Variants in SPX observed in about 807,000 individuals in gnomAD.
SPX encodes the protein spexin hormone, also known as spexin.
A neutral mutation model predicts 19.2 loss-of-function variants in SPX; 22 were observed. The ratio of observed to expected loss-of-function variants is 1.15; its 90% CI spans 0.82 to 1.64. SPX has a LOEUF of 1.64. Ranked by LOEUF, SPX falls within the 40% of genes most tolerant of loss-of-function variation. SPX has a pLI of 0.00. For synonymous variants in SPX, 50 were observed against 53.3 expected (o/e 0.94, Z 0.27); for missense variants, 143 against 137.7 (o/e 1.04, Z -0.19).
chr12:21,530,988 A>C (rs1203771398), intron 5 of SPX, 149 bp from the exon 6 acceptor site: 3 of 586,496 alleles, frequency 5.1e-6, no homozygotes. Context: ...ATCAAAGCCC[A>C]TATTGTTTAA....
chr12:21,530,961 G>T (rs1422351627), intron 5 of SPX, among the ~76,000 whole-genome samples, 176 bp from the exon 6 acceptor site: 1 of 152,126 alleles, frequency 6.6e-6, no homozygotes, highest in African/African-American at 2.4e-5. Flanking sequence ...GAGAAAAAAA[G>T]ATTTTAAACT....
At chr12:21,527,598 C>T (rs187015462) in intron 3 of SPX, 129 bp from the exon 4 acceptor site, 2 of 904,086 alleles carry the variant, frequency 2.2e-6, no homozygotes, top group South Asian at 1.7e-5. Flanking sequence ...CAGCCCCGCG[C>T]GACCCTATCC....
intron 4 of SPX, among the ~76,000 whole-genome samples, chr12:21,528,732 G>A (rs908022214): frequency 1.3e-5 from 2 of 152,092 alleles, no homozygotes; most frequent in African/African-American, 2.4e-5. Flanking sequence ...TGGCCGCAAA[G>A]GTTAAATTAT....
chr12:21,529,123 C>T, intron 5 of SPX, 39 bp downstream of exon 5: 7 of 1,574,218 alleles, frequency 4.4e-6, no homozygotes, highest in Non-Finnish European at 6.1e-6. Context: ...CATAACAGAA[C>T]AGCTTTGCTT....
chr12:21,529,812 G>A (rs919702577), intron 5 of SPX, among the ~76,000 whole-genome samples: 2 of 152,224 alleles, frequency 1.3e-5, no homozygotes, highest in African/African-American at 4.8e-5. Context: ...GTTGAATAAC[G>A]GGTAGAGGAT....
chr12:21,527,652 C>A, intron 3 of SPX, 75 bp from the exon 4 acceptor site: 1 of 1,430,314 alleles, frequency 7.0e-7, no homozygotes, highest in Non-Finnish European at 9.6e-7. Flanking sequence ...CTGCGCTGTG[C>A]CGGGAGGAGC....
Position 21,529,079 on chromosome 12 carries a change from C to T in SPX, c.287C>T (p.Pro96Leu). Reference sequence around the variant, plus strand: ...TTACTGGCGTCCCTTCAGAAATCACCAGAAGGTACTAGCATAGTGGCCTCT... The same window carrying T: ...TTACTGGCGTCCCTTCAGAAATCACTAGAAGGTACTAGCATAGTGGCCTCT... ...TILLASLQKS[P>L]EDEEKNFDQT... is the part of the protein sequence containing the mutation. Residue 96 changes from proline (P) to leucine (L), a missense_variant, in exon 5 of 6, where the codon CCA becomes CTA. Physicochemically the swap from Pro to Leu is moderately conservative, Grantham distance 98. Transcript: ENST00000256969. 6.2e-7 allele frequency: 1 copy of T among 1,613,274 alleles called. No individual in the cohort carries two copies. The highest frequency in any genetic ancestry group is 8.5e-7 in the Non-Finnish European group (1 of 1,179,232).
rs1460049712 is a variant in SPX at position 21,532,604 on chromosome 12, T to A, written c.*1409T>A. On this transcript the variant is annotated 3_prime_UTR_variant, in exon 6 of 6. Coordinates refer to ENST00000256969, the MANE Select transcript of SPX (RefSeq NM_030572.4). Reference sequence around the variant, plus strand: ...GTGCTTACATCTGATTTATTGAAAATTTTTTCCAAAAGCATTGTCTTTTAT... The same window carrying A: ...GTGCTTACATCTGATTTATTGAAAAATTTTTCCAAAAGCATTGTCTTTTAT... 1.3e-5 allele frequency: 2 copies of A among 152,182 alleles called. No homozygotes were observed. The highest frequency in any genetic ancestry group is 2.9e-5 in the Non-Finnish European group (2 of 68,026). 9.4% of individuals were successfully genotyped at this position (152,182 alleles called of 1,614,324 possible). A position where few individuals can be genotyped will look rare whatever the true frequency, so the allele number is the denominator to read the frequency against.
rs910547891 is a variant in SPX, at chr12:21,527,860, C to T, written c.208+71C>T. The T allele has an allele frequency of 1.8e-5, 27 of 1,484,562 alleles. 1 individual carries two copies. The South Asian group carries it at 2.8e-4, about 15-fold the overall frequency. The allele number at this position is 1,484,562 out of a possible 1,614,324, so 92.0% of individuals were successfully genotyped here. A position where few individuals can be genotyped will look rare whatever the true frequency, so the allele number is the denominator to read the frequency against. The stretch of plus-strand genomic sequence containing the variant: ...TAGGATGGGGCGGGCAGGGCTTGCT[C>T]CGCGCTGGTGCCGAAAGAAAGCGTC... On this transcript the variant is annotated intron_variant, in intron 4 of 5. Coordinates refer to ENST00000256969, the MANE Select transcript of SPX (RefSeq NM_030572.4).
At chr12:21,527,076 T>G in intron 2 of SPX, 59 bp from the exon 3 acceptor site, 1 of 1,589,884 alleles carries the variant, frequency 6.3e-7, no homozygotes, top group Non-Finnish European at 8.6e-7. Flanking sequence ...TATTTTGCTG[T>G]AATAGAGGAC....
At position 21,526,939 on chromosome 12, in the gene SPX, C is replaced by T. The variant is rs767441400; in HGVS notation, c.60C>T (p.Phe20=). 10 of 1,614,154 alleles carry T rather than the reference C, an allele frequency of 6.2e-6. No homozygotes were observed. Among genetic ancestry groups the T allele is most frequent in the Non-Finnish European group, 8.5e-6 (10 of 1,180,010 alleles). The stretch of plus-strand genomic sequence containing the variant: ...TGGCTCTTTTCCTGGTGTTTGTTTT[C>T]CTGGGAAACTCCAGCTGCGCTCCGC... ...TTLALFLVFV[F]LGNSSCAPQR... Residue 20 remains phenylalanine, a synonymous_variant, in exon 2 of 6, where the codon TTC becomes TTT. Coordinates refer to ENST00000256969, the MANE Select transcript of SPX (RefSeq NM_030572.4).
chr12:21,531,061 A>C, intron 5 of SPX, 76 bp from the exon 6 acceptor site: 1 of 898,570 alleles, frequency 1.1e-6, no homozygotes, highest in Non-Finnish European at 1.7e-6. Flanking sequence ...ATTTCCTGAG[A>C]TTCTCTTTGT....
chr12:21,527,125 C>T lies in SPX; in HGVS notation c.88-10C>T, dbSNP rs367830958. On this transcript the variant is annotated splice_polypyrimidine_tract_variant and intron_variant, in intron 2 of 5. Transcript: ENST00000256969. ...TTTATTAACTGCTCTTCCCTTCCCC[C>T]GGGCTATAGAGACTGTTGGAGAGAA... 12 of 1,613,468 alleles carry T rather than the reference C, an allele frequency of 7.4e-6. No homozygotes were observed. The highest frequency in any genetic ancestry group is 1.3e-5 in the African/African-American group (1 of 74,910).
chr12:21,527,706 C>A (rs751671889), intron 3 of SPX, 21 bp from the exon 4 acceptor site: 15 of 1,557,890 alleles, frequency 9.6e-6, no homozygotes, highest in Admixed American at 2.0e-5. Context: ...TGTCGCTGAG[C>A]CCCAGGTCTC....
rs569893572 is a variant in SPX at position 21,528,009 on chromosome 12, CG to C, written c.208+221del. The C allele has an allele frequency of 6.0e-4, 328 of 543,440 alleles. 8 individuals are homozygous for C. In the South Asian group the frequency reaches 7.0e-3, roughly 12 times the overall value. The allele number at this position is 543,440 out of a possible 1,614,324, so 33.7% of individuals were successfully genotyped here. A position where few individuals can be genotyped will look rare whatever the true frequency, so the allele number is the denominator to read the frequency against. Reference sequence around the variant, plus strand: ...AGCTGGGAGCTCGCGCGTCCAGCCCCGCGCCAATGGTGGCAAGGGCGGCCCA... The same window carrying C: ...AGCTGGGAGCTCGCGCGTCCAGCCCCCGCCAATGGTGGCAAGGGCGGCCCA... On this transcript the variant is annotated intron_variant, in intron 4 of 5. Transcript: ENST00000256969.
At chr12:21,528,937 A>G (rs1943839134) in intron 4 of SPX, 64 bp from the exon 5 acceptor site, 3 of 1,419,920 alleles carry the variant, frequency 2.1e-6, no homozygotes, top group East Asian at 2.3e-5. Context: ...GCATGTTAGA[A>G]TAGGACTTAT....
Position 21,532,197 on chromosome 12 carries a change from A to G in SPX, c.*1002A>G, listed in dbSNP as rs545408258. 4.6e-5 allele frequency: 7 copies of G among 152,238 alleles called. No homozygotes were observed. Among genetic ancestry groups the G allele is most frequent in the Admixed American group, 4.6e-4 (7 of 15,292 alleles). 9.4% of individuals were successfully genotyped at this position (152,238 alleles called of 1,614,324 possible). On this transcript the variant is annotated 3_prime_UTR_variant, in exon 6 of 6. Transcript: ENST00000256969. ...ACATACTCCTGTGGCAAACATAATA[A>G]TGTATTTATTTAGAATTATAATATG...
rs763038657 is a variant in SPX, at chr12:21,527,759, AG to A, written c.179del (p.Arg60LysfsTer20). 1 of 1,572,770 alleles carries A rather than the reference AG, an allele frequency of 6.4e-7. No homozygotes were observed. Among genetic ancestry groups the A allele is most frequent in the South Asian group, 1.2e-5 (1 of 85,492 alleles). On this transcript the variant is annotated frameshift_variant, in exon 4 of 6. Transcript: ENST00000256969. LOFTEE classifies it high-confidence loss of function. Reference protein sequence around the residue: ...GRRFISDQSRRKDLSDRPLPE... With the variant: ...GRRFISDQSRXKDLSDRPLPE... ...CCGCTTCATCTCCGACCAGAGCCGGAGAAAGGACCTCTCCGACCGGCCACTG... is the reference window on the plus strand; with the variant it reads ...CCGCTTCATCTCCGACCAGAGCCGGAAAAGGACCTCTCCGACCGGCCACTG...
intron 4 of SPX, among the ~76,000 whole-genome samples, chr12:21,528,724 GC>G (rs1457165876): frequency 2.0e-5 from 3 of 151,984 alleles, no homozygotes; most frequent in African/African-American, 7.3e-5. Context: ...CTTATATTTG[GC>G]CGCAAAGGTT....
Sources: allele counts gnomAD v4.1 joint callset (sites outside exome capture counted in the v4.1 genomes callset), GRCh38; gene constraint gnomAD v4.1.1; transcripts MANE v1.5; gene names NCBI Gene and HGNC (gene_info 2026-07-23, HGNC 2026-07-21).